STON2: variants seen among roughly 807,000 people sequenced by gnomAD.
STON2 encodes the protein stonin 2, also known as stonin-2.
Under a neutral mutation model 65.7 loss-of-function variants are expected in STON2, and 29 were observed. That is an observed-to-expected ratio of 0.44 (90% CI 0.33 to 0.60). STON2 has a LOEUF of 0.60. STON2 is among the 20% of genes least tolerant of loss of function. The pLI is 0.03. For synonymous variants in STON2, 404 were observed against 414.2 expected, an observed-to-expected ratio of 0.98 and a Z score of 0.30; for missense variants, 1,054 against 1,118.1, an observed-to-expected ratio of 0.94 and a Z score of 0.82.
chr14:81,270,733 G>C lies in STON2; in HGVS notation c.2721C>G (p.Ile907Met). The C allele has an allele frequency of 1.2e-6, 2 of 1,614,174 alleles. No homozygotes were observed. The highest frequency in any genetic ancestry group is 1.7e-6 in the Non-Finnish European group (2 of 1,180,022). ...TSASKASVRS[I>M]SVEDKTDVRK... ...TGACGTCAGTCTTGTCTTCTACAGA[G>C]ATAGATCTCACGCTGGCTTTGGAGG... Residue 907 changes from isoleucine to methionine, a missense_variant, in exon 7 of 8, where the codon ATC becomes ATG. Physicochemically the swap from Ile to Met is conservative, Grantham distance 10. Coordinates refer to ENST00000614646, the MANE Select transcript of STON2 (RefSeq NM_001394390.1).
chr14:81,277,146 T>C lies in STON2; in HGVS notation c.2336A>G (p.Gln779Arg). 6.2e-7 allele frequency: 1 copy of C among 1,614,212 alleles called. No homozygotes were observed. Among genetic ancestry groups the C allele is most frequent in the Non-Finnish European group, 8.5e-7 (1 of 1,180,032 alleles). The change falls in exon 6 of 8, where the codon CAG becomes CGG. Residue 779 changes from glutamine to arginine, a missense_variant. Gln to Arg is a conservative substitution (Grantham distance 43). Transcript: ENST00000614646. ...GFSANRDPLT[Q>R]VPCENVMIRY... is the part of the protein sequence containing the mutation. ...GATCATCACATTCTCACAGGGAACC[T>C]GAGTGAGGGGGTCACGATTGGCGGA...
At chr14:81,325,880 C>T (rs1896988092) in intron 4 of STON2, among the ~76,000 whole-genome samples, 1 of 152,040 alleles carries the variant, frequency 6.6e-6, no homozygotes, top group South Asian at 2.1e-4. Flanking sequence ...GAGGGACTCA[C>T]ACCCCTGTAA....
At chr14:81,348,667 C>T (rs8010482) in intron 4 of STON2, among the ~76,000 whole-genome samples, 87,444 of 151,866 alleles carry the variant, frequency 0.58, 27,379 homozygotes, top group African/African-American at 0.82. Flanking sequence ...AAAATGACCA[C>T]ACTACCCAAA....
intron 4 of STON2, among the ~76,000 whole-genome samples, chr14:81,335,971 A>G (rs1897356456): frequency 6.6e-6 from 1 of 152,150 alleles, no homozygotes; most frequent in South Asian, 2.1e-4. Flanking sequence ...AGAGCTCAGC[A>G]GCACAAAGGT....
chr14:81,434,506 A>G (rs1380395152), intron 1 of STON2, among the ~76,000 whole-genome samples: 1 of 152,180 alleles, frequency 6.6e-6, no homozygotes, highest in East Asian at 1.9e-4. Flanking sequence ...CCTCTAAGTC[A>G]ATGTATTCAT....
intron 4 of STON2, among the ~76,000 whole-genome samples, chr14:81,361,527 C>G (rs1187427093): frequency 6.6e-6 from 1 of 152,024 alleles, no homozygotes; most frequent in Non-Finnish European, 1.5e-5. Flanking sequence ...AAACATAAGA[C>G]CTGAAACTGT....
chr14:81,333,382 C>A, intron 4 of STON2: 1 of 460,222 alleles, frequency 2.2e-6, no homozygotes, highest in Admixed American at 3.2e-5. Flanking sequence ...TATCCTCAGA[C>A]AGCCAGGGAG....
intron 4 of STON2, among the ~76,000 whole-genome samples, chr14:81,338,824 G>A (rs1355647257): frequency 6.6e-6 from 1 of 152,196 alleles, no homozygotes; most frequent in Non-Finnish European, 1.5e-5. Context: ...TGTATTGAGA[G>A]TAAGAGCGAG....
chr14:81,388,097 C>T (rs1342291041), intron 3 of STON2, among the ~76,000 whole-genome samples: 1 of 150,652 alleles, frequency 6.6e-6, no homozygotes, highest in Non-Finnish European at 1.5e-5. Flanking sequence ...CTACAGGCAC[C>T]CACCACCACA....
At position 81,297,819 on chromosome 14, in the gene STON2, A is replaced by T. The variant is rs113172205; in HGVS notation, c.743-19080T>A. The stretch of plus-strand genomic sequence containing the variant: ...TTCGGGAGGCCGAGACGGGCAGATC[A>T]CCTGAGGTCAGGAGTTTGAGACCAG... On this transcript the variant is annotated intron_variant, in intron 5 of 7. Transcript: ENST00000614646. Among the ~76,000 whole-genome samples the T allele has an allele frequency of 4.3e-3, 654 of 152,312 alleles. 2 individuals are homozygous for T. Among genetic ancestry groups the T allele is most frequent in the Non-Finnish European group, 7.9e-3 (540 of 68,026 alleles).
intron 5 of STON2, among the ~76,000 whole-genome samples, chr14:81,303,756 G>C (rs938282788): frequency 3.3e-5 from 5 of 152,110 alleles, no homozygotes; most frequent in African/African-American, 4.8e-5. Context: ...TATATGTGAG[G>C]AAAATGAAAC....
At position 81,344,789 on chromosome 14, in the gene STON2, T is replaced by C. The variant is rs529549773; in HGVS notation, c.572-20602A>G. Among the ~76,000 whole-genome samples the C allele has an allele frequency of 2.6e-4, 39 of 152,380 alleles. 1 individual carries two copies. The South Asian group carries it at 5.0e-3, about 19-fold the overall frequency. On this transcript the variant is annotated intron_variant, in intron 4 of 7. Transcript: ENST00000614646. ...AAGCATTTTAACTTTACCAAGTCAA[T>C]AGACATTACCGTTTAATCCACACAG... is the stretch of plus-strand genomic sequence containing the variant.
chr14:81,277,229 T>C lies in STON2; in HGVS notation c.2253A>G (p.Thr751=), dbSNP rs769524903. Residue 751 remains threonine, a synonymous_variant, in exon 6 of 8, where the codon ACA becomes ACG. Transcript: ENST00000614646. ...KTLPFTLRTA[T]SVNGAEVEVQ... ...CCTCCACCTCTGCCCCATTGACACT[T>C]GTGGCCGTCCTGAGTGTGAAAGGCA... is the stretch of plus-strand genomic sequence containing the variant. The C allele has an allele frequency of 6.2e-7, 1 of 1,614,188 alleles. No homozygotes were observed. The highest frequency in any genetic ancestry group is 8.5e-7 in the Non-Finnish European group (1 of 1,180,030).
intron 4 of STON2, among the ~76,000 whole-genome samples, chr14:81,364,585 G>GC (rs1898636332): frequency 6.6e-6 from 1 of 151,996 alleles, no homozygotes; most frequent in African/African-American, 2.4e-5. Flanking sequence ...TTAATGAAAA[G>GC]CTACATTTGT....
chr14:81,409,532 T>C lies in STON2; in HGVS notation c.-198-10952A>G, dbSNP rs190765162. 2.7e-3 allele frequency among the ~76,000 whole-genome samples: 407 copies of C among 152,218 alleles called. 2 individuals carry two copies. Among genetic ancestry groups the C allele is most frequent in the African/African-American group, 9.4e-3 (390 of 41,530 alleles). On this transcript the variant is annotated intron_variant, in intron 2 of 8. Coordinates refer to the STON2 transcript ENST00000553821. ...ACCAGTTACCAAAAATTACAATTAG[T>C]ATATAGTTCCAGAATGCAAAGAACT...
At chr14:81,430,552 A>C (rs1902187650) in intron 1 of STON2, among the ~76,000 whole-genome samples, 1 of 152,184 alleles carries the variant, frequency 6.6e-6, no homozygotes, top group Admixed American at 6.5e-5. Flanking sequence ...GTTAGTAGGC[A>C]GCCAGCTGGG....
intron 2 of STON2, among the ~76,000 whole-genome samples, chr14:81,396,967 A>C (rs1255119555): frequency 6.6e-6 from 1 of 152,202 alleles, no homozygotes; most frequent in Non-Finnish European, 1.5e-5. Flanking sequence ...CTGAGGCAGG[A>C]GAATCGCTTG....
At chr14:81,384,072 G>C (rs563515904) in intron 3 of STON2, among the ~76,000 whole-genome samples, 1 of 151,808 alleles carries the variant, frequency 6.6e-6, no homozygotes, top group Non-Finnish European at 1.5e-5. Context: ...TTTCTGCAAG[G>C]CTTGCTGCCC....
At chr14:81,361,616 G>A (rs1397625063) in intron 4 of STON2, among the ~76,000 whole-genome samples, 1 of 151,924 alleles carries the variant, frequency 6.6e-6, no homozygotes, top group Non-Finnish European at 1.5e-5. Context: ...TGACCCCAAA[G>A]GCACAGGAAA....
Sources: gnomAD v4.1 joint callset for allele counts (sites outside exome capture counted in the v4.1 genomes callset) on GRCh38, gnomAD v4.1.1 for gene constraint, MANE v1.5 for transcripts, NCBI Gene and HGNC (gene_info 2026-07-23, HGNC 2026-07-21) for gene names.